The following ROBO1 variants were observed in gnomAD, a reference collection of about 807,000 sequenced individuals.
ROBO1 encodes the protein roundabout homolog 1.
A neutral mutation model predicts 195.9 loss-of-function variants in ROBO1; 149 were observed. The observed-to-expected ratio is 0.76, with a 90% confidence interval of 0.67 to 0.87. ROBO1 has a LOEUF of 0.87. ROBO1 is among the 40% of genes least tolerant of loss of function. The pLI is 0.00. For missense variants in ROBO1, 1,933 were observed against 2,068.3 expected, an observed-to-expected ratio of 0.93 and a Z score of 1.27; for synonymous variants, 816 against 733.2, an observed-to-expected ratio of 1.11 and a Z score of -1.82.
chr3:78,829,329 T>C (rs1038541851), intron 4 of ROBO1, among the ~76,000 whole-genome samples: 4 of 152,224 alleles, frequency 2.6e-5, no homozygotes, highest in South Asian at 2.1e-4. Context: ...AAAGCAAGTG[T>C]AATTTTTAAT....
In ROBO1 at chr3:78,938,672, C is replaced by A. The variant is rs1203007078; in HGVS notation, c.428G>T (p.Gly143Val). The A allele has an allele frequency of 6.2e-7, 1 of 1,613,878 alleles. No homozygotes were observed. The highest frequency in any genetic ancestry group is 1.3e-5 in the African/African-American group (1 of 74,936). ...ATTCCTTGCTACACAGACATAGACTCCTTCATCAGGTCTACTTTTCCGTCC... is the reference window on the plus strand; with the variant it reads ...ATTCCTTGCTACACAGACATAGACTACTTCATCAGGTCTACTTTTCCGTCC... Reference protein sequence around the residue: ...VHGRKSRPDEGVYVCVARNYL... With the variant: ...VHGRKSRPDEVVYVCVARNYL... Residue 143 changes from glycine (G) to valine (V), a missense_variant, in exon 4 of 31, where the codon GGA (glycine) becomes GTA (valine). This residue lies in a region of ROBO1 where 11 missense variants were observed against 26.2 expected (regional missense o/e 0.42). Coordinates refer to ENST00000464233, the MANE Select transcript of ROBO1 (RefSeq NM_002941.4).
intron 4 of ROBO1, among the ~76,000 whole-genome samples, chr3:78,767,021 A>G (rs1381859166): frequency 6.6e-6 from 1 of 152,170 alleles, no homozygotes; most frequent in Non-Finnish European, 1.5e-5. Flanking sequence ...TCAGTTAGCT[A>G]CAATTTTGTT....
intron 2 of ROBO1, among the ~76,000 whole-genome samples, chr3:79,292,065 C>A (rs115041999): frequency 0.019 from 2,863 of 152,172 alleles, 86 homozygotes; most frequent in African/African-American, 0.064. Flanking sequence ...CCCGTATATC[C>A]TACTGTCTTG....
intron 2 of ROBO1, among the ~76,000 whole-genome samples, chr3:79,207,807 T>A (rs2081897336): frequency 6.7e-6 from 1 of 150,254 alleles, no homozygotes. Context: ...AAAAAATCCA[T>A]CGACTTCGGT....
At chr3:79,136,700 A>G (rs182627035) in intron 2 of ROBO1, among the ~76,000 whole-genome samples, 101 of 152,252 alleles carry the variant, frequency 6.6e-4, no homozygotes, top group Non-Finnish European at 1.1e-3. Context: ...TATAAGATCA[A>G]ATTTAAGTTA....
At chr3:78,837,660 A>C (rs1460074779) in intron 4 of ROBO1, among the ~76,000 whole-genome samples, 1 of 152,126 alleles carries the variant, frequency 6.6e-6, no homozygotes, top group East Asian at 1.9e-4. Context: ...AATCCATGGG[A>C]ATATATAAGA....
intron 2 of ROBO1, among the ~76,000 whole-genome samples, chr3:79,317,102 C>T (rs1462051112): frequency 5.3e-5 from 8 of 152,098 alleles, no homozygotes; most frequent in Admixed American, 5.2e-4. Flanking sequence ...ATTAACTCCT[C>T]TCTTTATAGA....
rs530674783 is a variant in ROBO1, at chr3:79,212,700, G to A, written c.89-87161C>T. On this transcript the variant is annotated intron_variant, in intron 2 of 30. Coordinates refer to ENST00000464233, the MANE Select transcript of ROBO1 (RefSeq NM_002941.4). ...CCAGGCATGGTGGCAGACACCTGCA[G>A]TCCCAGCTACTTGGGAGGCTGAGGC... Among the ~76,000 whole-genome samples the A allele has an allele frequency of 1.5e-4, 23 of 152,062 alleles. No homozygotes were observed. In the South Asian group the frequency reaches 4.8e-3, roughly 32 times the overall value.
chr3:79,103,243 A>G lies in ROBO1; in HGVS notation c.172+22213T>C, dbSNP rs182492290. 1.8e-3 allele frequency among the ~76,000 whole-genome samples: 274 copies of G among 151,956 alleles called. 1 individual carries two copies. Among genetic ancestry groups the G allele is most frequent in the African/African-American group, 6.3e-3 (263 of 41,510 alleles). Reference sequence around the variant, plus strand: ...TGCATATTTTAATTGAAAAACAACAAAAACAAAAAGTAAGACATAGCTAAA... The same window carrying G: ...TGCATATTTTAATTGAAAAACAACAGAAACAAAAAGTAAGACATAGCTAAA... On this transcript the variant is annotated intron_variant, in intron 3 of 30. Transcript: ENST00000464233.
chr3:79,429,888 T>TCTG (rs1331146136), intron 2 of ROBO1, among the ~76,000 whole-genome samples: 1 of 152,072 alleles, frequency 6.6e-6, no homozygotes, highest in Non-Finnish European at 1.5e-5. Context: ...TTTTTCTTCT[T>TCTG]AAATATAAGA....
intron 2 of ROBO1, among the ~76,000 whole-genome samples, chr3:79,332,553 T>C (rs1343569624): frequency 1.3e-5 from 2 of 152,180 alleles, no homozygotes; most frequent in African/African-American, 4.8e-5. Context: ...TGTTTTCCCA[T>C]TTCTACATCC....
intron 4 of ROBO1, among the ~76,000 whole-genome samples, chr3:78,899,247 C>T (rs2037439325): frequency 1.3e-5 from 2 of 152,124 alleles, no homozygotes; most frequent in Non-Finnish European, 2.9e-5. Flanking sequence ...GTGGAAACCT[C>T]GGCTCCTATA....
intron 1 of ROBO1, among the ~76,000 whole-genome samples, chr3:79,633,985 C>T (rs2108037919): frequency 6.6e-6 from 1 of 152,102 alleles, no homozygotes; most frequent in African/African-American, 2.4e-5. Context: ...CCAAGTATGA[C>T]ATTAGATTCA....
intron 4 of ROBO1, among the ~76,000 whole-genome samples, chr3:78,840,080 G>C (rs1442252995): frequency 6.6e-6 from 1 of 152,336 alleles, no homozygotes; most frequent in East Asian, 1.9e-4. Context: ...ACCTTAGGCA[G>C]CATGGCCAAT....
intron 2 of ROBO1, among the ~76,000 whole-genome samples, chr3:79,472,737 C>T (rs1480913520): frequency 6.6e-6 from 1 of 152,110 alleles, no homozygotes; most frequent in African/African-American, 2.4e-5. Flanking sequence ...TTTCAGCTAT[C>T]ACAAGCAATA....
intron 14 of ROBO1, among the ~76,000 whole-genome samples, chr3:78,666,202 G>A (rs1244652008): frequency 6.6e-6 from 1 of 152,108 alleles, no homozygotes; most frequent in African/African-American, 2.4e-5. Flanking sequence ...ATGCTGAACT[G>A]TGAGTCAATT....
chr3:78,698,116 A>C (rs1456294459), intron 8 of ROBO1, among the ~76,000 whole-genome samples: 1 of 152,196 alleles, frequency 6.6e-6, no homozygotes, highest in African/African-American at 2.4e-5. Context: ...AGAATTGTAA[A>C]TACCACATTC....
chr3:79,411,396 T>G (rs539508619), intron 2 of ROBO1, among the ~76,000 whole-genome samples: 2 of 152,298 alleles, frequency 1.3e-5, no homozygotes, highest in Middle Eastern at 3.4e-3. Flanking sequence ...AATAAACAAG[T>G]TAGTGACTCT....
At chr3:78,704,469 G>C (rs2081498753) in intron 8 of ROBO1, among the ~76,000 whole-genome samples, 1 of 151,952 alleles carries the variant, frequency 6.6e-6, no homozygotes, top group Admixed American at 6.6e-5. Flanking sequence ...GTTTTTGAAT[G>C]CAAGTTTTTA....
Sources: gnomAD v4.1 joint callset for allele counts (sites outside exome capture counted in the v4.1 genomes callset) on GRCh38, gnomAD v4.1.1 for gene constraint, gnomAD v4.1.1 regional missense constraint, MANE v1.5 for transcripts, NCBI Gene and HGNC (gene_info 2026-07-23, HGNC 2026-07-21) for gene names.